Variants in BPTF observed in about 807,000 individuals in gnomAD.
BPTF encodes nucleosome-remodeling factor subunit BPTF.
BPTF carries 18 observed loss-of-function variants against 292.5 expected under a neutral mutation model. That is an observed-to-expected ratio of 0.06 (90% CI 0.04 to 0.09). BPTF has a LOEUF of 0.09. Ranked by LOEUF, BPTF falls within the 10% of genes least tolerant of loss-of-function variation. The pLI is 1.00. For missense variants in BPTF, 2,726 were observed against 3,498.7 expected, an observed-to-expected ratio of 0.78 and a Z score of 5.57; for synonymous variants, 1,225 against 1,251.9, an observed-to-expected ratio of 0.98 and a Z score of 0.45.
intron 26 of BPTF, 129 bp from the exon 27 acceptor site, chr17:67,975,643 C>A: frequency 1.4e-6 from 1 of 705,826 alleles, no homozygotes; most frequent in Non-Finnish European, 2.2e-6. Flanking sequence ...AAAATAACCT[C>A]CAGGGTGAAC....
At chr17:67,896,937 GAAAACAAATATAC>G (rs2061488788) in intron 7 of BPTF, among the ~76,000 whole-genome samples, 1 of 152,076 alleles carries the variant, frequency 6.6e-6, no homozygotes, top group Admixed American at 6.6e-5. Context: ...TGATGAAATA[GAAAACAAATATAC>G]CTTAGATCCC....
intron 2 of BPTF, among the ~76,000 whole-genome samples, chr17:67,865,589 C>G (rs1374864194): frequency 6.6e-6 from 1 of 152,218 alleles, no homozygotes; most frequent in Non-Finnish European, 1.5e-5. Context: ...TCTTTCAGTT[C>G]CCTCAGTTTG....
chr17:67,851,300 C>T lies in BPTF; in HGVS notation c.614-2640C>T, dbSNP rs577190223. On this transcript the variant is annotated intron_variant, in intron 1 of 27. Coordinates refer to ENST00000306378, the MANE Select transcript of BPTF (RefSeq NM_182641.4). ...TTTTTTTTTTTTTTTTAATAACCAC[C>T]ATATAGGAATAGACTGAAATAGAGA... Among the ~76,000 whole-genome samples, 252 of 149,402 alleles carry T rather than the reference C, an allele frequency of 1.7e-3. 1 individual carries two copies. Among genetic ancestry groups the T allele is most frequent in the African/African-American group, 6.0e-3 (240 of 40,284 alleles).
At chr17:67,884,572 T>C (rs182949461) in intron 4 of BPTF, among the ~76,000 whole-genome samples, 1 of 152,144 alleles carries the variant, frequency 6.6e-6, no homozygotes, top group Non-Finnish European at 1.5e-5. Context: ...TGCACTACTA[T>C]GCCTGGCTAA....
intron 15 of BPTF, 71 bp downstream of exon 15, chr17:67,924,660 C>T: frequency 6.5e-7 from 1 of 1,540,296 alleles, no homozygotes; most frequent in Admixed American, 2.0e-5. Flanking sequence ...AAGCACTTGA[C>T]CTCCCATCAG....
intron 7 of BPTF, among the ~76,000 whole-genome samples, chr17:67,900,112 CTG>C (rs1272444642): frequency 2.6e-5 from 4 of 151,910 alleles, no homozygotes; most frequent in Admixed American, 1.3e-4. Flanking sequence ...ATGTGTGTGT[CTG>C]TGTGTTTTGA....
intron 4 of BPTF, among the ~76,000 whole-genome samples, chr17:67,883,538 T>G (rs1303294476): frequency 6.6e-6 from 1 of 152,206 alleles, no homozygotes; most frequent in Non-Finnish European, 1.5e-5. Context: ...TGTCTTTCTT[T>G]TCTAAGTAGC....
At chr17:67,850,060 T>A (rs2058297162) in intron 1 of BPTF, among the ~76,000 whole-genome samples, 1 of 152,232 alleles carries the variant, frequency 6.6e-6, no homozygotes, top group South Asian at 2.1e-4. Context: ...TGTATTTACT[T>A]ACGTAGAAAT....
chr17:67,827,413 C>A (rs1200981014), intron 1 of BPTF, among the ~76,000 whole-genome samples: 1 of 152,066 alleles, frequency 6.6e-6, no homozygotes, highest in East Asian at 1.9e-4. Context: ...TGAAACACCC[C>A]CGGCCCCCCG....
At chr17:67,896,899 G>GTTTA (rs1177122039) in intron 7 of BPTF, among the ~76,000 whole-genome samples, 12 of 151,864 alleles carry the variant, frequency 7.9e-5, no homozygotes, top group African/African-American at 2.9e-4. Context: ...CCAACCTAAA[G>GTTTA]AAATAAAATA....
At chr17:67,973,566 G>A (rs1445701554) in intron 26 of BPTF, among the ~76,000 whole-genome samples, 2 of 151,788 alleles carry the variant, frequency 1.3e-5, no homozygotes, top group Admixed American at 6.6e-5. Context: ...TGAGTGCAGT[G>A]GTGCGATCTT....
intron 11 of BPTF, among the ~76,000 whole-genome samples, chr17:67,918,289 AAGTT>A (rs2063190613): frequency 6.6e-6 from 1 of 152,152 alleles, no homozygotes; most frequent in African/African-American, 2.4e-5. Context: ...GTTTTTGCAA[AAGTT>A]AGGATTTTTC....
rs782657155 is a variant in BPTF, at chr17:67,964,231, C to A, written c.8281C>A (p.Arg2761=). The A allele has an allele frequency of 3.7e-6, 6 of 1,611,702 alleles. No homozygotes were observed. Among genetic ancestry groups the A allele is most frequent in the Non-Finnish European group, 5.1e-6 (6 of 1,178,008 alleles). Residue 2761 remains arginine (R), a synonymous_variant, in exon 25 of 28, where the codon CGG becomes AGG. Transcript: ENST00000306378. ...TTGCAGATTTTATATTGGCTGTGAT[C>A]GGTGTCAGAATTGGTACCATGGGCG... ...DESKFYIGCD[R]CQNWYHGRCV... is the part of the protein sequence containing the mutation.
intron 1 of BPTF, among the ~76,000 whole-genome samples, chr17:67,828,936 T>C (rs1320542383): frequency 3.3e-5 from 5 of 152,240 alleles, no homozygotes; most frequent in Non-Finnish European, 7.3e-5. Context: ...GCAGCTCCTG[T>C]AACAGAGTTT....
At chr17:67,839,187 T>TAAAAAAAAAAAAAAAAAAAAAAAAAAA (rs1567870364) in intron 1 of BPTF, among the ~76,000 whole-genome samples, 3 of 151,408 alleles carry the variant, frequency 2.0e-5, no homozygotes, top group African/African-American at 7.4e-5. Flanking sequence ...AAAGCAATGT[T>TAAAAAAAAAAAAAAAAAAAAAAAAAAA]AAATGTTAGT....
At chr17:67,967,493 G>A (rs1470050865) in intron 26 of BPTF, among the ~76,000 whole-genome samples, 3 of 151,958 alleles carry the variant, frequency 2.0e-5, no homozygotes, top group African/African-American at 7.3e-5. Context: ...ATTTACATGT[G>A]CACAAGTATG....
intron 26 of BPTF, among the ~76,000 whole-genome samples, chr17:67,968,017 A>G (rs943662035): frequency 6.6e-6 from 1 of 150,898 alleles, no homozygotes; most frequent in Non-Finnish European, 1.5e-5. Flanking sequence ...TATGAACTAG[A>G]GAGAATACCC....
At chr17:67,974,481 A>G (rs1052775943) in intron 26 of BPTF, 1 of 152,144 alleles carries the variant, frequency 6.6e-6, no homozygotes, top group Non-Finnish European at 1.5e-5. Flanking sequence ...ACCTGAAGAT[A>G]GGGTTAGATC....
intron 4 of BPTF, chr17:67,886,286 C>G (rs756597953): frequency 6.2e-7 from 1 of 1,613,662 alleles, no homozygotes; most frequent in South Asian, 1.1e-5. Context: ...AAGAGAATCT[C>G]ATACACCTGT....
Sources: allele counts gnomAD v4.1 joint callset (sites outside exome capture counted in the v4.1 genomes callset), GRCh38; gene constraint gnomAD v4.1.1; transcripts MANE v1.5; gene names NCBI Gene and HGNC (gene_info 2026-07-23, HGNC 2026-07-21).